ATXN7L1: variants seen among roughly 807,000 people sequenced by gnomAD.
The protein encoded by ATXN7L1 is ataxin-7-like protein 1.
Under a neutral mutation model 70.8 loss-of-function variants are expected in ATXN7L1, and 15 were observed. The ratio of observed to expected loss-of-function variants is 0.21; its 90% CI spans 0.14 to 0.33. ATXN7L1 has a LOEUF of 0.33. Ranked by LOEUF, ATXN7L1 falls within the 10% of genes least tolerant of loss-of-function variation. The pLI, the probability that ATXN7L1 is intolerant of heterozygous loss-of-function variation, is 1.00. For synonymous variants in ATXN7L1, 440 were observed against 445.1 expected (o/e 0.99, Z 0.14); for missense variants, 975 against 1,097.1 (o/e 0.89, Z 1.57).
intron 3 of ATXN7L1, among the ~76,000 whole-genome samples, chr7:105,729,203 C>T (rs556519119): frequency 6.0e-4 from 91 of 151,656 alleles, no homozygotes; most frequent in African/African-American, 2.1e-3. Context: ...GCCAGGAGGT[C>T]GAGGCTACAG....
chr7:105,828,617 T>C lies in ATXN7L1; in HGVS notation c.251-39909A>G, dbSNP rs925995929. On this transcript the variant is annotated intron_variant, in intron 2 of 11. Coordinates refer to ENST00000419735, the MANE Select transcript of ATXN7L1 (RefSeq NM_020725.2). ...CAAACACATACTCTATGCCAACTAC[T>C]GTACTAAGCACTTTGTAAGCAATAT... 7.2e-5 allele frequency among the ~76,000 whole-genome samples: 11 copies of C among 152,356 alleles called. No individual in the cohort carries two copies. In the Middle Eastern group the frequency reaches 0.01, roughly 141 times the overall value.
chr7:105,774,628 C>G (rs1021253786), intron 3 of ATXN7L1, among the ~76,000 whole-genome samples: 1 of 152,230 alleles, frequency 6.6e-6, no homozygotes, highest in African/African-American at 2.4e-5. Flanking sequence ...GCTAAGATTA[C>G]AGTGTGAACC....
At chr7:105,631,732 G>T (rs898667137) in intron 7 of ATXN7L1, among the ~76,000 whole-genome samples, 1 of 152,222 alleles carries the variant, frequency 6.6e-6, no homozygotes, top group Non-Finnish European at 1.5e-5. Context: ...CTTCCAAAGT[G>T]CTAGGATTAC....
intron 3 of ATXN7L1, among the ~76,000 whole-genome samples, chr7:105,735,073 CTG>C (rs1174126642): frequency 1.3e-5 from 2 of 152,224 alleles, no homozygotes; most frequent in Non-Finnish European, 2.9e-5. Context: ...CACTTCTCCT[CTG>C]TGCATTCTCA....
chr7:105,822,289 A>T (rs1397074867), intron 2 of ATXN7L1, among the ~76,000 whole-genome samples: 1 of 152,184 alleles, frequency 6.6e-6, no homozygotes, highest in East Asian at 1.9e-4. Context: ...AATCCATAAC[A>T]TCTATAGTGT....
intron 5 of ATXN7L1, among the ~76,000 whole-genome samples, chr7:105,642,191 C>A (rs889413816): frequency 6.6e-6 from 1 of 152,198 alleles, no homozygotes; most frequent in African/African-American, 2.4e-5. Flanking sequence ...CTGTGTGCCT[C>A]TTCTGGCACC....
chr7:105,803,430 C>G (rs1281991977), intron 2 of ATXN7L1, among the ~76,000 whole-genome samples: 1 of 152,226 alleles, frequency 6.6e-6, no homozygotes, highest in African/African-American at 2.4e-5. Flanking sequence ...AGGGACGGCT[C>G]CAGCCCTGGC....
chr7:105,610,510 C>T lies in ATXN7L1; in HGVS notation c.2547+19G>A. 1 of 1,544,206 alleles carries T rather than the reference C, an allele frequency of 6.5e-7. No individual in the cohort carries two copies. Among genetic ancestry groups the T allele is most frequent in the South Asian group, 1.2e-5 (1 of 83,760 alleles). On this transcript the variant is annotated intron_variant, in intron 11 of 11. Coordinates refer to ENST00000419735, the MANE Select transcript of ATXN7L1 (RefSeq NM_020725.2). ...TGACCATATGAATTTTTGCCCCACCCCCACCCTCAGTAACTTACCTGTCGG... is the reference window on the plus strand; with the variant it reads ...TGACCATATGAATTTTTGCCCCACCTCCACCCTCAGTAACTTACCTGTCGG...
At chr7:105,716,934 TAA>T (rs1313521436) in intron 3 of ATXN7L1, among the ~76,000 whole-genome samples, 4 of 151,776 alleles carry the variant, frequency 2.6e-5, no homozygotes, top group Non-Finnish European at 5.9e-5. Context: ...ATTAAAATGA[TAA>T]GTGTATGATA....
intron 3 of ATXN7L1, among the ~76,000 whole-genome samples, chr7:105,770,219 G>T (rs902284425): frequency 6.6e-6 from 1 of 152,214 alleles, no homozygotes; most frequent in African/African-American, 2.4e-5. Flanking sequence ...CATAGATGGC[G>T]TTTCTGCTCT....
chr7:105,808,992 C>T (rs1321966481), intron 2 of ATXN7L1, among the ~76,000 whole-genome samples: 3 of 152,200 alleles, frequency 2.0e-5, no homozygotes, highest in East Asian at 1.9e-4. Flanking sequence ...ACATGTGAGG[C>T]GTTTCTCCCA....
chr7:105,748,931 G>A (rs1798880293), intron 3 of ATXN7L1, among the ~76,000 whole-genome samples: 1 of 152,200 alleles, frequency 6.6e-6, no homozygotes, highest in Admixed American at 6.5e-5. Context: ...GAGTGTTTGG[G>A]GGAAGGCCCT....
At chr7:105,818,634 A>C (rs1418396961) in intron 2 of ATXN7L1, among the ~76,000 whole-genome samples, 1 of 152,226 alleles carries the variant, frequency 6.6e-6, no homozygotes, top group Non-Finnish European at 1.5e-5. Context: ...TTACCAAATT[A>C]AGATAATTCA....
At chr7:105,646,133 G>C (rs1044514590) in intron 4 of ATXN7L1, among the ~76,000 whole-genome samples, 5 of 151,592 alleles carry the variant, frequency 3.3e-5, no homozygotes, top group Admixed American at 1.3e-4. Context: ...GCAACATAGC[G>C]AGACCATTCT....
Position 105,871,726 on chromosome 7 carries a change from A to T in ATXN7L1, c.250+4086T>A, listed in dbSNP as rs56026522. ...ATTCTGTCTCAAAAAAAAAAAAAAAATTGGCAAATTCCTCTTAGCTATAAT... is the reference window on the plus strand; with the variant it reads ...ATTCTGTCTCAAAAAAAAAAAAAAATTTGGCAAATTCCTCTTAGCTATAAT... On this transcript the variant is annotated intron_variant, in intron 2 of 11. Coordinates refer to ENST00000419735, the MANE Select transcript of ATXN7L1 (RefSeq NM_020725.2). Among the ~76,000 whole-genome samples, 32 of 149,304 alleles carry T rather than the reference A, an allele frequency of 2.1e-4. No homozygotes were observed. In the East Asian group the frequency reaches 4.8e-3, roughly 22 times the overall value.
intron 2 of ATXN7L1, among the ~76,000 whole-genome samples, chr7:105,852,546 A>G (rs1311362896): frequency 6.6e-6 from 1 of 152,132 alleles, no homozygotes; most frequent in Non-Finnish European, 1.5e-5. Flanking sequence ...GGGGGCGCAC[A>G]GTTTGGCAAG....
chr7:105,765,010 C>T (rs1451139432), intron 3 of ATXN7L1, among the ~76,000 whole-genome samples: 1 of 152,134 alleles, frequency 6.6e-6, no homozygotes, highest in East Asian at 1.9e-4. Flanking sequence ...TTACCATCTT[C>T]CTTGAAGTAG....
chr7:105,748,361 G>A (rs1459802708), intron 3 of ATXN7L1, among the ~76,000 whole-genome samples: 3 of 152,168 alleles, frequency 2.0e-5, no homozygotes, highest in African/African-American at 7.2e-5. Context: ...GACTCTGGCT[G>A]GGTTGCCTGT....
intron 2 of ATXN7L1, among the ~76,000 whole-genome samples, chr7:105,828,876 C>T (rs1811216124): frequency 6.6e-6 from 1 of 152,164 alleles, no homozygotes; most frequent in Non-Finnish European, 1.5e-5. Flanking sequence ...ATGGACTCCA[C>T]CGGCAAGGGT....
Sources: allele counts gnomAD v4.1 joint callset (sites outside exome capture counted in the v4.1 genomes callset), GRCh38; gene constraint gnomAD v4.1.1; transcripts MANE v1.5; gene names NCBI Gene and HGNC (gene_info 2026-07-23, HGNC 2026-07-21).